The following FAM120C variants were observed in gnomAD, a reference collection of about 807,000 sequenced individuals.
FAM120C encodes the protein constitutive coactivator of PPAR-gamma-like protein 2.
FAM120C carries 14 observed loss-of-function variants against 71.2 expected under a neutral mutation model. The ratio of observed to expected loss-of-function variants is 0.20; its 90% CI spans 0.13 to 0.31. The LOEUF (loss-of-function observed/expected upper bound fraction) is 0.31. Among genes scored for constraint, FAM120C ranks in the 10% least tolerant of loss-of-function variants. FAM120C has a pLI of 1.00. For missense variants in FAM120C, 500 were observed against 879.0 expected (o/e 0.57, Z 5.45); for synonymous variants, 354 against 353.2 (o/e 1.00, Z -0.03).
intron 9 of FAM120C, among the ~76,000 whole-genome samples, chrX:54,118,502 T>A (rs1683879570): frequency 9.2e-6 from 1 of 109,076 alleles, no homozygotes; most frequent in Admixed American, 1.0e-4. Context: ...ATAAGTCTAT[T>A]TTTAGTTTTG....
At chrX:54,154,878 CTA>C (rs2067201943) in intron 3 of FAM120C, among the ~76,000 whole-genome samples, 1 of 110,987 alleles carries the variant, frequency 9.0e-6, no homozygotes, top group African/African-American at 3.3e-5. Context: ...GTCATTAAGA[CTA>C]TATGAGATCA....
chrX:54,158,950 C>T (rs1390359995), intron 2 of FAM120C, among the ~76,000 whole-genome samples: 1 of 111,358 alleles, frequency 9.0e-6, no homozygotes, highest in Non-Finnish European at 1.9e-5. Context: ...AATATTAGCA[C>T]AAAAGAAACA....
intron 10 of FAM120C, among the ~76,000 whole-genome samples, chrX:54,108,246 G>GA (rs1460675321): frequency 1.8e-5 from 2 of 109,861 alleles, no homozygotes; most frequent in African/African-American, 6.6e-5. Context: ...GATCTCAATG[G>GA]AAAAAAATTA....
intron 4 of FAM120C, among the ~76,000 whole-genome samples, chrX:54,145,475 C>A (rs1315615436): frequency 8.9e-6 from 1 of 111,872 alleles, no homozygotes; most frequent in Non-Finnish European, 1.9e-5. Flanking sequence ...AATCAAACAA[C>A]CCCATCAAAA....
At chrX:54,096,266 C>T (rs941829147) in intron 10 of FAM120C, among the ~76,000 whole-genome samples, 1 of 109,902 alleles carries the variant, frequency 9.1e-6, no homozygotes, top group Non-Finnish European at 1.9e-5. Context: ...CAAAAATTAG[C>T]CAGGTGTGGT....
intron 11 of FAM120C, among the ~76,000 whole-genome samples, chrX:54,088,874 C>T (rs782347066): frequency 1.2e-3 from 138 of 110,474 alleles, no homozygotes; most frequent in African/African-American, 4.4e-3. Flanking sequence ...CATGGCAAAA[C>T]CCCGTTTCTA....
intron 1 of FAM120C, among the ~76,000 whole-genome samples, chrX:54,159,962 T>C (rs2067228160): frequency 9.1e-6 from 1 of 110,129 alleles, no homozygotes; most frequent in Admixed American, 9.8e-5. Flanking sequence ...AATTTGATTA[T>C]TACTGTAAAC....
At chrX:54,117,990 G>T (rs924267785) in intron 9 of FAM120C, among the ~76,000 whole-genome samples, 190 of 111,359 alleles carry the variant, frequency 1.7e-3, no homozygotes, top group African/African-American at 6.0e-3. Flanking sequence ...TTGGGAGGCC[G>T]AGGCGGGCGG....
chrX:54,169,912 T>C (rs2067279015), intron 1 of FAM120C, among the ~76,000 whole-genome samples: 1 of 111,568 alleles, frequency 9.0e-6, no homozygotes, highest in Non-Finnish European at 1.9e-5. Flanking sequence ...TAAAGAATAA[T>C]GTATTAAAAG....
intron 15 of FAM120C, among the ~76,000 whole-genome samples, chrX:54,077,204 T>A (rs1053449841): frequency 9.0e-6 from 1 of 111,470 alleles, no homozygotes. Flanking sequence ...TAAAGGCATG[T>A]ACACTAGAGT....
intron 4 of FAM120C, among the ~76,000 whole-genome samples, chrX:54,140,778 A>G (rs1439237706): frequency 9.2e-5 from 10 of 108,707 alleles, no homozygotes; most frequent in Non-Finnish European, 1.9e-4. Context: ...TGTCTCTACC[A>G]AAAATACAAA....
chrX:54,178,498 T>A (rs2067330217), intron 1 of FAM120C, among the ~76,000 whole-genome samples: 1 of 111,868 alleles, frequency 8.9e-6, no homozygotes, highest in Non-Finnish European at 1.9e-5. Flanking sequence ...CACCACTTAC[T>A]AGTACTTAGA....
chrX:54,173,476 G>A (rs1222548882), intron 1 of FAM120C, among the ~76,000 whole-genome samples: 1 of 111,873 alleles, frequency 8.9e-6, no homozygotes, highest in East Asian at 2.8e-4. Flanking sequence ...TCGAACTTCC[G>A]ACCTCAGGTG....
At chrX:54,113,355 G>A (rs1444915049) in intron 10 of FAM120C, among the ~76,000 whole-genome samples, 4 of 109,137 alleles carry the variant, frequency 3.7e-5, no homozygotes, top group African/African-American at 1.3e-4. Flanking sequence ...AGCTACTCAG[G>A]AGGCTGAGGC....
intron 10 of FAM120C, among the ~76,000 whole-genome samples, chrX:54,101,531 C>G (rs2066882198): frequency 8.9e-6 from 1 of 112,263 alleles, no homozygotes; most frequent in Non-Finnish European, 1.9e-5. Context: ...TGTGAATTTT[C>G]CAAATGTTTC....
At chrX:54,080,866 A>AG (rs1194962614) in intron 14 of FAM120C, among the ~76,000 whole-genome samples, 1 of 105,171 alleles carries the variant, frequency 9.5e-6, no homozygotes, top group African/African-American at 3.5e-5. Context: ...ATCTCAAGAA[A>AG]AAAAAAAAAA....
chrX:54,101,105 T>C (rs1338835921), intron 10 of FAM120C, among the ~76,000 whole-genome samples: 1 of 111,744 alleles, frequency 8.9e-6, no homozygotes, highest in African/African-American at 3.2e-5. Context: ...TGGGTAGAGG[T>C]TGCGAAGCCT....
chrX:54,182,427 G>A (rs1557137484), intron 1 of FAM120C, 73 bp downstream of exon 1: 5 of 1,088,828 alleles, frequency 4.6e-6, no homozygotes, highest in Admixed American at 5.5e-5. Flanking sequence ...GGGTAAGTGG[G>A]TAGGTGGTTA....
chrX:54,074,350 T>C (rs1428259778), intron 15 of FAM120C, among the ~76,000 whole-genome samples: 1 of 111,851 alleles, frequency 8.9e-6, no homozygotes, highest in Non-Finnish European at 1.9e-5. Context: ...ACGCTGACAA[T>C]TGAACAGGCA....
Sources: allele counts gnomAD v4.1 joint callset (sites outside exome capture counted in the v4.1 genomes callset), GRCh38; gene constraint gnomAD v4.1.1; transcripts MANE v1.5; gene names NCBI Gene and HGNC (gene_info 2026-07-23, HGNC 2026-07-21).